Variants in PRDM6 observed in about 807,000 individuals in gnomAD.
The protein encoded by PRDM6 is putative histone-lysine N-methyltransferase PRDM6.
PRDM6 carries 25 observed loss-of-function variants against 60.8 expected under a neutral mutation model. That is an observed-to-expected ratio of 0.41 (90% confidence interval 0.30 to 0.57). The LOEUF (loss-of-function observed/expected upper bound fraction) is 0.57, where lower values mean the gene tolerates loss of function less well. Among genes scored for constraint, PRDM6 ranks in the 20% least tolerant of loss-of-function variants. The pLI, the probability that PRDM6 is intolerant of heterozygous loss-of-function variation, is 0.27. For synonymous variants in PRDM6, 407 were observed against 357.4 expected, an observed-to-expected ratio of 1.14 and a Z score of -1.57; for missense variants, 839 against 821.3, an observed-to-expected ratio of 1.02 and a Z score of -0.26.
At chr5:123,126,918 G>A (rs973287901) in intron 3 of PRDM6, among the ~76,000 whole-genome samples, 4 of 152,072 alleles carry the variant, frequency 2.6e-5, no homozygotes, top group African/African-American at 4.8e-5. Context: ...CTTCTTTTGG[G>A]GTGAGGACTG....
At chr5:123,110,008 A>G (rs1364971848) in intron 3 of PRDM6, among the ~76,000 whole-genome samples, 1 of 152,176 alleles carries the variant, frequency 6.6e-6, no homozygotes, top group African/African-American at 2.4e-5. Context: ...ACAAATCAAC[A>G]TAGTGGCATA....
At chr5:123,093,507 C>T (rs1318004191) in intron 2 of PRDM6, among the ~76,000 whole-genome samples, 2 of 152,166 alleles carry the variant, frequency 1.3e-5, no homozygotes, top group East Asian at 1.9e-4. Context: ...CAGTATGTTC[C>T]TAACTCCGTA....
At chr5:123,169,959 C>G (rs1228369543) in intron 5 of PRDM6, among the ~76,000 whole-genome samples, 1 of 152,200 alleles carries the variant, frequency 6.6e-6, no homozygotes, top group Non-Finnish European at 1.5e-5. Context: ...CTTTCCTTAT[C>G]CACTTGCATC....
intron 3 of PRDM6, among the ~76,000 whole-genome samples, chr5:123,137,067 G>A (rs1007776539): frequency 2.0e-5 from 3 of 152,222 alleles, no homozygotes; most frequent in Non-Finnish European, 4.4e-5. Flanking sequence ...TTGTGAGGAT[G>A]AAGTGAGATA....
Position 123,187,214 on chromosome 5 carries a change from T to A in PRDM6, c.*13T>A. On this transcript the variant is annotated 3_prime_UTR_variant, in exon 8 of 8. Coordinates refer to ENST00000407847, the MANE Select transcript of PRDM6 (RefSeq NM_001136239.4). ...CGAAGTGGATTAACGGATTGACTGG[T>A]TGGAATTAAACTGCAAGGAAAGTCA... 2 of 1,531,148 alleles carry A rather than the reference T, an allele frequency of 1.3e-6. No individual in the cohort carries two copies. The highest frequency in any genetic ancestry group is 1.2e-5 in the South Asian group (1 of 83,544). 94.8% of individuals were successfully genotyped at this position (1,531,148 alleles called of 1,614,324 possible). A position where few individuals can be genotyped will look rare whatever the true frequency, so the allele number is the denominator to read the frequency against.
intron 3 of PRDM6, among the ~76,000 whole-genome samples, chr5:123,146,194 T>C (rs1765235176): frequency 6.6e-6 from 1 of 152,196 alleles, no homozygotes; most frequent in Admixed American, 6.5e-5. Flanking sequence ...TGAGGTGTAG[T>C]CAGTAACTGA....
At chr5:123,148,707 A>G (rs1376846912) in intron 3 of PRDM6, among the ~76,000 whole-genome samples, 2 of 152,178 alleles carry the variant, frequency 1.3e-5, no homozygotes, top group Admixed American at 6.5e-5. Flanking sequence ...AATAACATTA[A>G]TTCTCACTAA....
At chr5:123,168,564 T>C (rs1765812483) in intron 5 of PRDM6, among the ~76,000 whole-genome samples, 1 of 152,202 alleles carries the variant, frequency 6.6e-6, no homozygotes, top group Non-Finnish European at 1.5e-5. Flanking sequence ...CCGATTTCAC[T>C]TTAGAAGCAG....
chr5:123,146,309 T>A (rs1005903751), intron 3 of PRDM6, among the ~76,000 whole-genome samples: 1 of 152,184 alleles, frequency 6.6e-6, no homozygotes, highest in Non-Finnish European at 1.5e-5. Flanking sequence ...CCATAAGACG[T>A]GTTGCACGAG....
chr5:123,089,502 G>T lies in PRDM6; in HGVS notation c.-33G>T. 7.4e-6 allele frequency: 1 copy of T among 134,250 alleles called. No individual in the cohort carries two copies. The highest frequency in any genetic ancestry group is 1.6e-5 in the Non-Finnish European group (1 of 61,752). The allele number at this position is 134,250 out of a possible 1,614,324, so 8.3% of individuals were successfully genotyped here. On this transcript the variant is annotated 5_prime_UTR_variant, in exon 1 of 8. Coordinates refer to ENST00000407847, the MANE Select transcript of PRDM6 (RefSeq NM_001136239.4). ...CCGAGACACCCGCACGCACCCACCG[G>T]CAGCACCGAGTTTTCAGGTAAGGTG...
intron 3 of PRDM6, among the ~76,000 whole-genome samples, chr5:123,127,863 G>C (rs780658523): frequency 6.6e-6 from 1 of 151,626 alleles, no homozygotes; most frequent in East Asian, 1.9e-4. Context: ...TGGTTTGCTG[G>C]ACCCATCAAC....
Position 123,108,544 on chromosome 5 carries a change from T to C in PRDM6, c.900+8583T>C, listed in dbSNP as rs778408498. On this transcript the variant is annotated intron_variant, in intron 3 of 7. Coordinates refer to ENST00000407847, the MANE Select transcript of PRDM6 (RefSeq NM_001136239.4). ...TATTTATGATATTAAAATACACAAA[T>C]AGTTTCTGGGGATAAGAGTCCTGAA... Among the ~76,000 whole-genome samples, 16 of 152,096 alleles carry C rather than the reference T, an allele frequency of 1.1e-4. 1 individual carries two copies. Among genetic ancestry groups the C allele is most frequent in the Non-Finnish European group, 2.1e-4 (14 of 67,968 alleles).
chr5:123,178,530 G>T (rs1467195121), intron 6 of PRDM6, among the ~76,000 whole-genome samples: 1 of 152,128 alleles, frequency 6.6e-6, no homozygotes, highest in Non-Finnish European at 1.5e-5. Context: ...ATAATAAAAT[G>T]CATGTGTAAT....
At position 123,090,276 on chromosome 5, in the gene PRDM6, A is replaced by ACCTTCGCCT. The variant is rs1561791954; in HGVS notation, c.265_266insTCGCCTCCT (p.Thr88_Ser89insPheAlaSer). The stretch of plus-strand genomic sequence containing the variant: ...CTCGTCCACGCCGGCTTCCTCTTCC[A>ACCTTCGCCT]CCTCCGCCTCCTCCGCCTCCTCCTG... On this transcript the variant is annotated inframe_insertion, in exon 2 of 8. Coordinates refer to ENST00000407847, the MANE Select transcript of PRDM6 (RefSeq NM_001136239.4). 2.0e-6 allele frequency: 3 copies of ACCTTCGCCT among 1,481,644 alleles called. No homozygotes were observed. Among genetic ancestry groups the ACCTTCGCCT allele is most frequent in the Non-Finnish European group, 1.8e-6 (2 of 1,116,850 alleles). The allele number at this position is 1,481,644 out of a possible 1,614,324, so 91.8% of individuals were successfully genotyped here.
At chr5:123,163,487 C>G (rs335215) in intron 5 of PRDM6, among the ~76,000 whole-genome samples, 8,122 of 152,280 alleles carry the variant, frequency 0.053, 278 homozygotes, top group Non-Finnish European at 0.078. Flanking sequence ...GCTGCCTTGA[C>G]TCAGAGAAGA....
At chr5:123,156,785 G>C (rs1765510371) in intron 4 of PRDM6, among the ~76,000 whole-genome samples, 1 of 152,316 alleles carries the variant, frequency 6.6e-6, no homozygotes, top group East Asian at 1.9e-4. Context: ...GCACCTGCTG[G>C]TGAAGCATTT....
At chr5:123,137,142 A>G (rs947000906) in intron 3 of PRDM6, among the ~76,000 whole-genome samples, 1 of 152,214 alleles carries the variant, frequency 6.6e-6, no homozygotes, top group African/African-American at 2.4e-5. Flanking sequence ...GTTTGCTGTC[A>G]TTTCACAATA....
chr5:123,190,820 G>A lies in PRDM6; in HGVS notation c.*3619G>A, dbSNP rs1227965007. On this transcript the variant is annotated 3_prime_UTR_variant, in exon 8 of 8. Transcript: ENST00000407847. ...GTTCACCATAAGCAGCATTATTTAA[G>A]TGACTATTCATGATAAAATAATATT... 3 of 152,136 alleles carry A rather than the reference G, an allele frequency of 2.0e-5. No homozygotes were observed. The highest frequency in any genetic ancestry group is 2.0e-4 in the Admixed American group (3 of 15,280). The allele number at this position is 152,136 out of a possible 1,614,324, so 9.4% of individuals were successfully genotyped here.
intron 6 of PRDM6, among the ~76,000 whole-genome samples, chr5:123,173,243 A>G (rs946167469): frequency 3.3e-5 from 5 of 152,172 alleles, no homozygotes; most frequent in Admixed American, 6.5e-5. Flanking sequence ...CTGTAAAATA[A>G]TAATGTCATA....
Sources: gnomAD v4.1 joint callset for allele counts (sites outside exome capture counted in the v4.1 genomes callset) on GRCh38, gnomAD v4.1.1 for gene constraint, MANE v1.5 for transcripts, NCBI Gene and HGNC (gene_info 2026-07-23, HGNC 2026-07-21) for gene names.